The following ZZZ3 variants were observed in gnomAD, a reference collection of about 807,000 sequenced individuals.
ZZZ3 encodes the protein ZZ-type zinc finger-containing protein 3.
In ZZZ3, 22 loss-of-function variants were observed where a neutral mutation model predicts 95.2. The ratio of observed to expected loss-of-function variants is 0.23; its 90% CI spans 0.17 to 0.33. The LOEUF (loss-of-function observed/expected upper bound fraction) is 0.33, where lower values mean the gene tolerates loss of function less well. Ranked by LOEUF, ZZZ3 falls within the 10% of genes least tolerant of loss-of-function variation. The pLI is 1.00. For synonymous variants in ZZZ3, 335 were observed against 358.9 expected, an observed-to-expected ratio of 0.93 and a Z score of 0.75; for missense variants, 885 against 1,066.5, an observed-to-expected ratio of 0.83 and a Z score of 2.37.
intron 3 of ZZZ3, 62 bp from the exon 4 acceptor site, chr1:77,639,664 T>G (rs979525711): frequency 2.6e-6 from 1 of 391,366 alleles, no homozygotes; most frequent in Non-Finnish European, 4.5e-6. Context: ...GCTAATAGAT[T>G]TACTCCTTCT....
At chr1:77,581,408 T>C (rs1478076646) in intron 8 of ZZZ3, among the ~76,000 whole-genome samples, 1 of 152,190 alleles carries the variant, frequency 6.6e-6, no homozygotes, top group Non-Finnish European at 1.5e-5. Flanking sequence ...ACTCAAATCC[T>C]GGTCACATTT....
chr1:77,609,119 A>G (rs1665527457), intron 5 of ZZZ3, among the ~76,000 whole-genome samples: 1 of 152,164 alleles, frequency 6.6e-6, no homozygotes, highest in Non-Finnish European at 1.5e-5. Flanking sequence ...AACAAGACCC[A>G]TGGATCTGCT....
At chr1:77,608,339 G>A (rs1665453920) in intron 5 of ZZZ3, among the ~76,000 whole-genome samples, 1 of 152,188 alleles carries the variant, frequency 6.6e-6, no homozygotes, top group African/African-American at 2.4e-5. Flanking sequence ...CAGGCCCAAA[G>A]AGAGTGGCAT....
intron 6 of ZZZ3, 125 bp from the exon 7 acceptor site, chr1:77,582,251 G>A: frequency 1.3e-6 from 1 of 747,560 alleles, no homozygotes; most frequent in Non-Finnish European, 2.0e-6. Flanking sequence ...TTCTATTCAT[G>A]TTTAAATCCA....
intron 6 of ZZZ3, 65 bp downstream of exon 6, chr1:77,584,452 A>G: frequency 6.7e-7 from 1 of 1,493,638 alleles, no homozygotes; most frequent in Non-Finnish European, 9.0e-7. Context: ...AAAAGAATTA[A>G]CCAAATTCTC....
intron 5 of ZZZ3, chr1:77,584,860 G>T (rs2100575885): frequency 2.8e-6 from 1 of 353,164 alleles, no homozygotes; most frequent in East Asian, 4.3e-5. Flanking sequence ...AGAAAGCAAA[G>T]CCTTCTTCCC....
At position 77,635,681 on chromosome 1, in the gene ZZZ3, G is replaced by A. The variant is rs190846205; in HGVS notation, c.-51-2276C>T. Among the ~76,000 whole-genome samples the A allele has an allele frequency of 1.1e-4, 16 of 152,240 alleles. No individual in the cohort carries two copies. The East Asian group carries it at 2.9e-3, about 28-fold the overall frequency. ...GGTACTTTGGGAGGCCAAGGCAGAC[G>A]GATTACTTGAGGTCAGGAGTTCGTG... On this transcript the variant is annotated intron_variant, in intron 4 of 14. Transcript: ENST00000370801.
intron 12 of ZZZ3, among the ~76,000 whole-genome samples, chr1:77,573,145 T>C (rs531788467): frequency 6.6e-6 from 1 of 151,446 alleles, no homozygotes; most frequent in Admixed American, 6.6e-5. Context: ...GGAGCTGGAG[T>C]TTTTGCCCTT....
chr1:77,675,287 A>G (rs1672155145), intron 1 of ZZZ3, among the ~76,000 whole-genome samples: 1 of 152,164 alleles, frequency 6.6e-6, no homozygotes, highest in African/African-American at 2.4e-5. Context: ...TTCCAACGGG[A>G]AAGTGTGTAA....
chr1:77,584,474 C>T, intron 6 of ZZZ3, 43 bp downstream of exon 6: 1 of 1,554,238 alleles, frequency 6.4e-7, no homozygotes, highest in Non-Finnish European at 8.7e-7. Flanking sequence ...TAAGCTATTC[C>T]CAAATAGATC....
intron 3 of ZZZ3, among the ~76,000 whole-genome samples, chr1:77,640,594 C>T (rs1422326802): frequency 7.4e-6 from 1 of 135,150 alleles, no homozygotes; most frequent in Non-Finnish European, 1.6e-5. Context: ...GAGCAAAACT[C>T]AGTCTCAAAA....
At chr1:77,617,465 T>C (rs1351924490) in intron 5 of ZZZ3, among the ~76,000 whole-genome samples, 2 of 152,200 alleles carry the variant, frequency 1.3e-5, no homozygotes, top group South Asian at 2.1e-4. Context: ...TCATTCCTTT[T>C]TACAGTTGAA....
intron 1 of ZZZ3, chr1:77,676,920 T>G (rs1672319550): frequency 6.6e-6 from 1 of 152,192 alleles, no homozygotes; most frequent in Admixed American, 6.5e-5. Context: ...CAATGCCAGA[T>G]GAGGTAAAAA....
intron 5 of ZZZ3, among the ~76,000 whole-genome samples, chr1:77,595,645 T>C (rs1664143896): frequency 6.6e-6 from 1 of 151,992 alleles, no homozygotes; most frequent in Admixed American, 6.6e-5. Context: ...ACCATTCTAA[T>C]GCAATACGGA....
At chr1:77,623,892 T>C (rs975307000) in intron 5 of ZZZ3, among the ~76,000 whole-genome samples, 1 of 151,156 alleles carries the variant, frequency 6.6e-6, no homozygotes, top group Admixed American at 6.6e-5. Context: ...AAATAAAAGT[T>C]AAACAAACAA....
intron 5 of ZZZ3, among the ~76,000 whole-genome samples, chr1:77,600,817 A>G (rs942624589): frequency 4.6e-5 from 7 of 152,118 alleles, no homozygotes; most frequent in Non-Finnish European, 1.5e-5. Context: ...TAAAACCAAA[A>G]CTGTACTCAG....
intron 5 of ZZZ3, among the ~76,000 whole-genome samples, chr1:77,628,123 A>G (rs1667483634): frequency 6.6e-6 from 1 of 152,218 alleles, no homozygotes; most frequent in South Asian, 2.1e-4. Context: ...CTGATTCAAA[A>G]ATTAGCAAGG....
intron 5 of ZZZ3, among the ~76,000 whole-genome samples, chr1:77,605,537 A>G (rs930302044): frequency 8.5e-5 from 13 of 152,144 alleles, no homozygotes; most frequent in African/African-American, 2.9e-4. Flanking sequence ...GAGTGCTTGC[A>G]CCACCCTTCC....
At chr1:77,659,424 G>A (rs537282029) in intron 1 of ZZZ3, among the ~76,000 whole-genome samples, 55 of 151,996 alleles carry the variant, frequency 3.6e-4, no homozygotes, top group Middle Eastern at 3.4e-3. Context: ...AGCACTTTGG[G>A]AGGCCAAGAT....
Sources: allele counts gnomAD v4.1 joint callset (sites outside exome capture counted in the v4.1 genomes callset), GRCh38; gene constraint gnomAD v4.1.1; transcripts MANE v1.5; gene names NCBI Gene and HGNC (gene_info 2026-07-23, HGNC 2026-07-21).